The following TAFA5 variants were observed in gnomAD, a reference collection of about 807,000 sequenced individuals.
TAFA5 encodes chemokine-like protein TAFA-5.
TAFA5 carries 6 observed loss-of-function variants against 15.3 expected under a neutral mutation model. The observed-to-expected ratio is 0.39, with a 90% CI of 0.21 to 0.77. TAFA5 has a LOEUF of 0.77. Ranked by LOEUF, TAFA5 falls within the 30% of genes least tolerant of loss-of-function variation. The pLI is 0.41. For synonymous variants in TAFA5, 103 were observed against 80.7 expected (o/e 1.28, Z -1.48); for missense variants, 161 against 193.1 (o/e 0.83, Z 0.98).
chr22:48,602,141 C>T (rs1330263089), intron 1 of TAFA5, among the ~76,000 whole-genome samples: 1 of 152,230 alleles, frequency 6.6e-6, no homozygotes, highest in Non-Finnish European at 1.5e-5. Flanking sequence ...ACATGCCCTC[C>T]CTCCTCCGCA....
In TAFA5 at chr22:48,673,350, C is replaced by T. The variant is rs1157490174; in HGVS notation, c.262+26604C>T. ...TCCTCTGGGGTCAGTTTTCAGCTCGCTCCTCTCTGTGCCTCTGCTTCCTGC... is the reference window on the plus strand; with the variant it reads ...TCCTCTGGGGTCAGTTTTCAGCTCGTTCCTCTCTGTGCCTCTGCTTCCTGC... On this transcript the variant is annotated intron_variant, in intron 2 of 3. Coordinates refer to ENST00000402357, the MANE Select transcript of TAFA5 (RefSeq NM_001082967.3). Among the ~76,000 whole-genome samples the T allele has an allele frequency of 3.9e-5, 6 of 152,202 alleles. No individual in the cohort carries two copies. In the South Asian group the frequency reaches 1.0e-3, roughly 26 times the overall value.
chr22:48,644,161 G>A (rs1179511127), intron 1 of TAFA5, among the ~76,000 whole-genome samples: 1 of 152,230 alleles, frequency 6.6e-6, no homozygotes, highest in Non-Finnish European at 1.5e-5. Context: ...GGAGCAGTGT[G>A]TAATTTTGTG....
intron 1 of TAFA5, among the ~76,000 whole-genome samples, chr22:48,630,686 CA>C (rs1254979541): frequency 5.3e-5 from 8 of 152,200 alleles, no homozygotes; most frequent in Non-Finnish European, 7.3e-5. Flanking sequence ...CGCCCTCCAT[CA>C]GGGGCCGCCT....
At chr22:48,509,197 A>G (rs1921120438) in intron 1 of TAFA5, among the ~76,000 whole-genome samples, 1 of 151,930 alleles carries the variant, frequency 6.6e-6, no homozygotes, top group African/African-American at 2.4e-5. Flanking sequence ...CCTTTTCTCT[A>G]TCCAGGCGCC....
At chr22:48,681,815 C>CAAATCACAACTTCTG (rs1281733035) in intron 2 of TAFA5, among the ~76,000 whole-genome samples, 5 of 56,694 alleles carry the variant, frequency 8.8e-5, no homozygotes, top group Non-Finnish European at 1.2e-4. Context: ...GGGGTGTTGT[C>CAAATCACAACTTCTG]CACATGTAGA....
At chr22:48,641,664 G>A (rs374914806) in intron 1 of TAFA5, among the ~76,000 whole-genome samples, 22 of 136,374 alleles carry the variant, frequency 1.6e-4, no homozygotes, top group Non-Finnish European at 1.4e-4. Context: ...ACACGATGCC[G>A]TCCCCTCGCA....
rs368533393 is a variant in TAFA5 at position 48,579,530 on chromosome 22, C to T, written c.113-67067C>T. On this transcript the variant is annotated intron_variant, in intron 1 of 3. Transcript: ENST00000402357. ...GCCGGCCGCTTCCTTAGGGTGCAGA[C>T]GACGTGTGTCACGGAGACGCGAGAG... Among the ~76,000 whole-genome samples the T allele has an allele frequency of 7.4e-4, 112 of 152,322 alleles. 1 individual carries two copies. Among genetic ancestry groups the T allele is most frequent in the African/African-American group, 2.6e-3 (108 of 41,562 alleles).
At chr22:48,542,794 T>G (rs1922505348) in intron 1 of TAFA5, among the ~76,000 whole-genome samples, 1 of 142,784 alleles carries the variant, frequency 7.0e-6, no homozygotes, top group African/African-American at 2.6e-5. Flanking sequence ...TCATGTGTGG[T>G]GTACAGTGTG....
chr22:48,649,477 G>A (rs936938234), intron 2 of TAFA5, among the ~76,000 whole-genome samples: 1 of 152,160 alleles, frequency 6.6e-6, no homozygotes, highest in African/African-American at 2.4e-5. Flanking sequence ...GGAGTGGGCC[G>A]CTGGAGCCTT....
chr22:48,603,302 C>T (rs1463318336), intron 1 of TAFA5, among the ~76,000 whole-genome samples: 1 of 152,242 alleles, frequency 6.6e-6, no homozygotes, highest in South Asian at 2.1e-4. Flanking sequence ...TTGCTGGGCC[C>T]ACCCACTCAG....
At position 48,646,583 on chromosome 22, in the gene TAFA5, G is replaced by C. The variant is rs752352597; in HGVS notation, c.113-14G>C. Reference sequence around the variant, plus strand: ...AACGTGTGGCCGCTCAGTCGCTTCTGCTCCTCTCTGCAGGTCAGCTGGCCG... The same window carrying C: ...AACGTGTGGCCGCTCAGTCGCTTCTCCTCCTCTCTGCAGGTCAGCTGGCCG... On this transcript the variant is annotated splice_polypyrimidine_tract_variant and intron_variant, in intron 1 of 3. Coordinates refer to ENST00000402357, the MANE Select transcript of TAFA5 (RefSeq NM_001082967.3). 6 of 1,611,738 alleles carry C rather than the reference G, an allele frequency of 3.7e-6. No homozygotes were observed. In the African/African-American group the frequency reaches 8.0e-5, roughly 22 times the overall value.
rs560202050 is a variant in TAFA5 at position 48,605,471 on chromosome 22, ATGT to A, written c.113-41123_113-41121del. 4.1e-3 allele frequency among the ~76,000 whole-genome samples: 586 copies of A among 144,480 alleles called. 6 individuals carry two copies. The highest frequency in any genetic ancestry group is 0.011 in the Middle Eastern group (3 of 272). 94.8% of individuals were successfully genotyped at this position (144,480 alleles called of 152,430 possible). On this transcript the variant is annotated intron_variant, in intron 1 of 3. Transcript: ENST00000402357. ...GATGGCAATGGTGATGGTAATGATG[ATGT>A]TGGTGGTGGCAGGGATGGTGATGGT...
intron 3 of TAFA5, among the ~76,000 whole-genome samples, chr22:48,722,089 G>T (rs1929585817): frequency 6.6e-6 from 1 of 152,144 alleles, no homozygotes; most frequent in African/African-American, 2.4e-5. Context: ...AGTATTTCTA[G>T]TTCTAGATCC....
rs535781565 is a variant in TAFA5, at chr22:48,610,815, A to G, written c.113-35782A>G. Among the ~76,000 whole-genome samples, 21 of 152,306 alleles carry G rather than the reference A, an allele frequency of 1.4e-4. No homozygotes were observed. In the South Asian group the frequency reaches 1.9e-3, roughly 14 times the overall value. On this transcript the variant is annotated intron_variant, in intron 1 of 3. Transcript: ENST00000402357. ...AATGCAGCCGAGCTGTCCCTGCTGC[A>G]GCCCCTTCCCTTCGTCTGCTTCCCC...
At chr22:48,672,513 A>G (rs1215155273) in intron 2 of TAFA5, among the ~76,000 whole-genome samples, 2 of 152,230 alleles carry the variant, frequency 1.3e-5, no homozygotes, top group African/African-American at 2.4e-5. Flanking sequence ...GCATTTCCTC[A>G]AAGCATGATT....
At chr22:48,746,696 AG>A (rs1296639233) in intron 3 of TAFA5, among the ~76,000 whole-genome samples, 3 of 152,100 alleles carry the variant, frequency 2.0e-5, no homozygotes, top group African/African-American at 7.2e-5. Flanking sequence ...CCCTGGGAAG[AG>A]GGGTTCTAGC....
chr22:48,541,921 C>T (rs991616148), intron 1 of TAFA5, among the ~76,000 whole-genome samples: 1 of 152,162 alleles, frequency 6.6e-6, no homozygotes, highest in African/African-American at 2.4e-5. Flanking sequence ...CCCAGGGGAT[C>T]GTGTGGGTGC....
rs780404139 is a variant in TAFA5 at position 48,566,052 on chromosome 22, T to C, written c.112+76348T>C. ...TGACGGATAGATGATGAGCTGATGA[T>C]GGATGGATGATGGATGGATGGATGG... On this transcript the variant is annotated intron_variant, in intron 1 of 3. Coordinates refer to ENST00000402357, the MANE Select transcript of TAFA5 (RefSeq NM_001082967.3). The surrounding 1 kb of genome is among the most constrained non-coding windows in gnomAD (Gnocchi z 4.5). 2.7e-5 allele frequency among the ~76,000 whole-genome samples: 4 copies of C among 150,892 alleles called. No homozygotes were observed. The highest frequency in any genetic ancestry group is 4.4e-5 in the Non-Finnish European group (3 of 67,796).
chr22:48,679,889 G>A (rs1928123528), intron 2 of TAFA5, among the ~76,000 whole-genome samples: 2 of 152,198 alleles, frequency 1.3e-5, no homozygotes, highest in African/African-American at 2.4e-5. Flanking sequence ...CACAGGCCAG[G>A]CAGCTTAGCC....
Sources: gnomAD v4.1 joint callset for allele counts (sites outside exome capture counted in the v4.1 genomes callset) on GRCh38, gnomAD v4.1.1 for gene constraint, Gnocchi (gnomAD v3.1) non-coding constraint, MANE v1.5 for transcripts, NCBI Gene and HGNC (gene_info 2026-07-23, HGNC 2026-07-21) for gene names.